The following UGT1A8 variants were observed in gnomAD, a reference collection of about 807,000 sequenced individuals.
UGT1A8 encodes the protein UDP glucuronosyltransferase family 1 member A8.
UGT1A8 carries 39 observed loss-of-function variants against 45.3 expected under a neutral mutation model. The observed-to-expected ratio is 0.86, with a 90% CI of 0.67 to 1.12. The LOEUF (loss-of-function observed/expected upper bound fraction) is 1.12. UGT1A8 is among the 50% of genes most tolerant of loss of function. UGT1A8 has a pLI of 0.00. For missense variants in UGT1A8, 719 were observed against 664.9 expected, an observed-to-expected ratio of 1.08 and a Z score of -0.90; for synonymous variants, 275 against 249.2, an observed-to-expected ratio of 1.10 and a Z score of -0.97.
chr2:233,636,824 A>G (rs141973948), intron 1 of UGT1A8: 4 of 1,614,234 alleles, frequency 2.5e-6, no homozygotes, highest in Non-Finnish European at 3.4e-6. Flanking sequence ...TGGAAAGCAC[A>G]GGCACAAAGT....
intron 1 of UGT1A8, among the ~76,000 whole-genome samples, chr2:233,683,034 G>A (rs1009810485): frequency 3.4e-4 from 52 of 151,970 alleles, no homozygotes; most frequent in African/African-American, 1.3e-3. Context: ...CAATCTAAAT[G>A]CTATTTTTGG....
At chr2:233,714,796 T>C (rs2076413127) in intron 1 of UGT1A8, among the ~76,000 whole-genome samples, 1 of 152,264 alleles carries the variant, frequency 6.6e-6, no homozygotes, top group South Asian at 2.1e-4. Context: ...TTTCAAGTGC[T>C]CAATATTCAT....
At chr2:233,693,264 TG>T in intron 1 of UGT1A8, 1 of 1,614,122 alleles carries the variant, frequency 6.2e-7, no homozygotes, top group South Asian at 1.1e-5. Context: ...CAAGAAGAGC[TG>T]AAGAACCGTT....
chr2:233,628,364 T>A (rs2073130329), intron 1 of UGT1A8, among the ~76,000 whole-genome samples: 1 of 152,110 alleles, frequency 6.6e-6, no homozygotes, highest in South Asian at 2.1e-4. Context: ...TTTTGCAATA[T>A]ATTTATTTTT....
At chr2:233,760,867 C>T (rs767983942) in intron 1 of UGT1A8, 3 of 1,614,156 alleles carry the variant, frequency 1.9e-6, no homozygotes, top group Non-Finnish European at 2.5e-6. Flanking sequence ...CTCCTACGTG[C>T]CCAGGCCTCT....
At chr2:233,744,043 CA>C (rs1402567766) in intron 1 of UGT1A8, 4 of 743,574 alleles carry the variant, frequency 5.4e-6, no homozygotes, top group Non-Finnish European at 7.6e-6. Flanking sequence ...GACGCAGCCA[CA>C]TCTCATTGGT....
chr2:233,675,570 C>A (rs1013799068), intron 1 of UGT1A8, among the ~76,000 whole-genome samples: 1 of 152,132 alleles, frequency 6.6e-6, no homozygotes, highest in East Asian at 1.9e-4. Flanking sequence ...GATCCAAATT[C>A]AAAGTTAGCT....
chr2:233,706,366 C>G (rs775485067), intron 1 of UGT1A8, among the ~76,000 whole-genome samples: 5 of 152,190 alleles, frequency 3.3e-5, no homozygotes, highest in Non-Finnish European at 5.9e-5. Flanking sequence ...CCAATTTAGG[C>G]CATTGTACAA....
chr2:233,767,839 C>T lies in UGT1A8; in HGVS notation c.988-10C>T. 6.2e-7 allele frequency: 1 copy of T among 1,614,144 alleles called. No homozygotes were observed. Among genetic ancestry groups the T allele is most frequent in the South Asian group, 1.1e-5 (1 of 91,080 alleles). ...CTTTCTTTACGTTCTGCTCTTTTTG[C>T]CCCTCCCAGGTCCTGTGGCGGTACA... On this transcript the variant is annotated splice_polypyrimidine_tract_variant and intron_variant, in intron 2 of 4. Transcript: ENST00000373450.
chr2:233,666,398 G>A (rs1226871646), intron 1 of UGT1A8, among the ~76,000 whole-genome samples: 3 of 152,124 alleles, frequency 2.0e-5, no homozygotes, highest in Non-Finnish European at 2.9e-5. Context: ...ATTTTAACGG[G>A]ATGTGGATTA....
chr2:233,677,323 G>T (rs552269750), intron 1 of UGT1A8, among the ~76,000 whole-genome samples: 5 of 152,100 alleles, frequency 3.3e-5, no homozygotes, highest in African/African-American at 1.2e-4. Context: ...AGTGTTCATT[G>T]CTAGTATAGT....
chr2:233,629,741 C>T (rs1324060572), intron 1 of UGT1A8, among the ~76,000 whole-genome samples: 1 of 152,142 alleles, frequency 6.6e-6, no homozygotes, highest in Non-Finnish European at 1.5e-5. Context: ...GTGTTGTCAT[C>T]TGAGCTTCAC....
intron 1 of UGT1A8, chr2:233,755,263 C>T: frequency 1.2e-6 from 1 of 800,084 alleles, no homozygotes; most frequent in South Asian, 1.5e-5. Context: ...TCGTAGTAGT[C>T]CACTATGCTG....
intron 1 of UGT1A8, among the ~76,000 whole-genome samples, chr2:233,759,710 G>C (rs746376626): frequency 6.6e-6 from 1 of 151,530 alleles, no homozygotes; most frequent in African/African-American, 2.4e-5. Context: ...GCGCGTGCTC[G>C]TGTGGTGGGC....
At chr2:233,677,305 A>G (rs1382565135) in intron 1 of UGT1A8, among the ~76,000 whole-genome samples, 1 of 152,140 alleles carries the variant, frequency 6.6e-6, no homozygotes, top group Non-Finnish European at 1.5e-5. Context: ...TTTTTAATCC[A>G]GTTTTCAAGT....
intron 1 of UGT1A8, among the ~76,000 whole-genome samples, chr2:233,676,524 C>A (rs1427751934): frequency 6.6e-6 from 1 of 152,146 alleles, no homozygotes; most frequent in Non-Finnish European, 1.5e-5. Context: ...CTTCAGATTT[C>A]ATTAATTTTT....
intron 1 of UGT1A8, among the ~76,000 whole-genome samples, chr2:233,707,114 C>T (rs911479241): frequency 3.9e-5 from 6 of 152,140 alleles, no homozygotes; most frequent in Non-Finnish European, 7.4e-5. Flanking sequence ...CCCCAAAATA[C>T]TCTGCATTAG....
At chr2:233,680,173 T>A (rs2074477483) in intron 1 of UGT1A8, among the ~76,000 whole-genome samples, 1 of 152,200 alleles carries the variant, frequency 6.6e-6, no homozygotes, top group South Asian at 2.1e-4. Context: ...TTTTCTTTGC[T>A]TCTTGGGAGT....
chr2:233,715,985 CACA>C (rs577493897), intron 1 of UGT1A8, among the ~76,000 whole-genome samples: 32 of 152,180 alleles, frequency 2.1e-4, no homozygotes, highest in Non-Finnish European at 4.4e-4. Context: ...TGATTTAAAA[CACA>C]ACAAAACCCA....
Sources: allele counts gnomAD v4.1 joint callset (sites outside exome capture counted in the v4.1 genomes callset), GRCh38; gene constraint gnomAD v4.1.1; transcripts MANE v1.5; gene names NCBI Gene and HGNC (gene_info 2026-07-23, HGNC 2026-07-21).